The following PAX5 variants were observed in gnomAD, a reference collection of about 807,000 sequenced individuals.
PAX5 encodes the protein paired box 5, also known as paired box protein Pax-5.
In PAX5, 9 loss-of-function variants were observed where a neutral mutation model predicts 43.7. That is an observed-to-expected ratio of 0.21 (90% CI 0.12 to 0.36). The LOEUF (loss-of-function observed/expected upper bound fraction) is 0.36, where lower values mean the gene tolerates loss of function less well. Among genes scored for constraint, PAX5 ranks in the 10% least tolerant of loss-of-function variants. PAX5 has a pLI of 1.00. For missense variants in PAX5, 383 were observed against 532.7 expected, an observed-to-expected ratio of 0.72 and a Z score of 2.77; for synonymous variants, 228 against 214.3, an observed-to-expected ratio of 1.06 and a Z score of -0.56.
chr9:36,869,205 G>A (rs921948379), intron 8 of PAX5, among the ~76,000 whole-genome samples: 4 of 152,164 alleles, frequency 2.6e-5, no homozygotes, highest in African/African-American at 4.8e-5. Context: ...CCAGCAAGCC[G>A]AAGGGAGTCA....
chr9:36,863,553 A>G (rs1450933056), intron 8 of PAX5, among the ~76,000 whole-genome samples: 1 of 152,188 alleles, frequency 6.6e-6, no homozygotes, highest in Non-Finnish European at 1.5e-5. Flanking sequence ...GTTCAGGAAC[A>G]TGCTCTAGGG....
intron 6 of PAX5, among the ~76,000 whole-genome samples, chr9:36,937,360 C>T (rs1394888494): frequency 1.3e-5 from 2 of 152,154 alleles, no homozygotes; most frequent in Admixed American, 1.3e-4. Context: ...AGAGTCCAAG[C>T]TCTGAAACAC....
At chr9:36,894,096 A>G (rs980970393) in intron 7 of PAX5, among the ~76,000 whole-genome samples, 2 of 152,168 alleles carry the variant, frequency 1.3e-5, no homozygotes, top group African/African-American at 2.4e-5. Context: ...GTTTTGGTAC[A>G]TGCCTATATC....
At chr9:36,863,848 C>A (rs4880021) in intron 8 of PAX5, among the ~76,000 whole-genome samples, 1 of 152,146 alleles carries the variant, frequency 6.6e-6, no homozygotes, top group Non-Finnish European at 1.5e-5. Flanking sequence ...CAGTGGCTCA[C>A]GCCTCCAATC....
At chr9:37,029,881 A>G (rs1308549692) in intron 1 of PAX5, among the ~76,000 whole-genome samples, 17 of 152,224 alleles carry the variant, frequency 1.1e-4, no homozygotes. Flanking sequence ...GTCCAAAGTC[A>G]CACAGCAAGT....
chr9:36,946,847 G>A (rs544787202), intron 6 of PAX5, among the ~76,000 whole-genome samples: 14 of 152,264 alleles, frequency 9.2e-5, no homozygotes, highest in African/African-American at 3.4e-4. Context: ...AAGCCCCATG[G>A]CTGCTTCCCG....
intron 6 of PAX5, among the ~76,000 whole-genome samples, chr9:36,943,009 T>C (rs3758166): frequency 0.84 from 127,339 of 152,208 alleles, 53,644 homozygotes; most frequent in East Asian, 0.91. Flanking sequence ...TGCACCCAGC[T>C]CTCAGTTTCC....
chr9:36,858,950 ACCTGCGCTG>A (rs1431986132), intron 8 of PAX5, among the ~76,000 whole-genome samples: 1 of 152,132 alleles, frequency 6.6e-6, no homozygotes, highest in Non-Finnish European at 1.5e-5. Flanking sequence ...GCTAGTCCCG[ACCTGCGCTG>A]CCTGCCATCA....
chr9:36,841,588 C>A (rs1822058271), intron 9 of PAX5, among the ~76,000 whole-genome samples: 1 of 152,254 alleles, frequency 6.6e-6, no homozygotes, highest in South Asian at 2.1e-4. Flanking sequence ...CCCCAAAAGG[C>A]AGAAGCTGGG....
chr9:36,961,088 AG>A (rs1833931910), intron 6 of PAX5, among the ~76,000 whole-genome samples: 1 of 152,146 alleles, frequency 6.6e-6, no homozygotes, highest in Non-Finnish European at 1.5e-5. Flanking sequence ...CTTTCTCCCC[AG>A]GGTACCCAGC....
intron 8 of PAX5, among the ~76,000 whole-genome samples, chr9:36,870,674 A>C (rs576786786): frequency 1.1e-4 from 17 of 152,316 alleles, no homozygotes; most frequent in African/African-American, 3.8e-4. Context: ...AGATTCCTAA[A>C]AAGCTCCTGG....
At chr9:37,018,671 A>C (rs1564082522) in intron 2 of PAX5, among the ~76,000 whole-genome samples, 1 of 151,860 alleles carries the variant, frequency 6.6e-6, no homozygotes, top group East Asian at 1.9e-4. Flanking sequence ...GGCAGTTCTA[A>C]TTAGAGTGAC....
intron 6 of PAX5, among the ~76,000 whole-genome samples, chr9:36,957,422 G>C (rs1460091466): frequency 2.6e-5 from 4 of 152,124 alleles, no homozygotes; most frequent in Non-Finnish European, 5.9e-5. Context: ...GTGAGTATTT[G>C]GGTACTTGTT....
chr9:36,840,311 G>T lies in PAX5; in HGVS notation c.*249C>A. 1.7e-6 allele frequency: 1 copy of T among 600,020 alleles called. No homozygotes were observed. Among genetic ancestry groups the T allele is most frequent in the Non-Finnish European group, 3.0e-6 (1 of 337,034 alleles). 37.2% of individuals were successfully genotyped at this position (600,020 alleles called of 1,614,324 possible). A position where few individuals can be genotyped will look rare whatever the true frequency, so the allele number is the denominator to read the frequency against. On this transcript the variant is annotated 3_prime_UTR_variant, in exon 10 of 10. Transcript: ENST00000358127. ...TATTTGCAGGACAGTCTATTGGTTT[G>T]CAGAGACCCAGTGGCCATCGGGAGA... is the stretch of plus-strand genomic sequence containing the variant.
chr9:36,967,117 G>C (rs1834513414), intron 5 of PAX5, among the ~76,000 whole-genome samples: 1 of 152,184 alleles, frequency 6.6e-6, no homozygotes, highest in African/African-American at 2.4e-5. Flanking sequence ...TGCCCCTCCT[G>C]TCCTAAAGAC....
intron 5 of PAX5, among the ~76,000 whole-genome samples, chr9:37,000,306 T>C (rs1442962053): frequency 1.3e-5 from 2 of 152,092 alleles, no homozygotes; most frequent in Admixed American, 6.5e-5. Context: ...GAGGCTCTGG[T>C]TGATTGGGTT....
At chr9:36,927,795 G>A (rs1287496982) in intron 6 of PAX5, among the ~76,000 whole-genome samples, 2 of 150,094 alleles carry the variant, frequency 1.3e-5, no homozygotes, top group Admixed American at 6.7e-5. Context: ...TGCAACCTCC[G>A]CCCCCCGGGT....
intron 6 of PAX5, among the ~76,000 whole-genome samples, chr9:36,965,318 C>T (rs1227645899): frequency 6.6e-6 from 1 of 152,232 alleles, no homozygotes; most frequent in Non-Finnish European, 1.5e-5. Context: ...TGACCCAGTG[C>T]ATGGCTCCAG....
At chr9:36,879,137 C>T (rs181782655) in intron 8 of PAX5, among the ~76,000 whole-genome samples, 44 of 152,330 alleles carry the variant, frequency 2.9e-4, no homozygotes, top group Non-Finnish European at 5.3e-4. Context: ...TGGGGCTGCC[C>T]CTGTCCAGCT....
Sources: allele counts gnomAD v4.1 joint callset (sites outside exome capture counted in the v4.1 genomes callset), GRCh38; gene constraint gnomAD v4.1.1; transcripts MANE v1.5; gene names NCBI Gene and HGNC (gene_info 2026-07-23, HGNC 2026-07-21).